The following STK10 variants were observed in gnomAD, a reference collection of about 807,000 sequenced individuals.
The protein encoded by STK10 is serine/threonine kinase 10.
A neutral mutation model predicts 113.8 loss-of-function variants in STK10; 78 were observed. That is an observed-to-expected ratio of 0.69 (90% confidence interval 0.57 to 0.83). STK10 has a LOEUF of 0.83. Among genes scored for constraint, STK10 ranks in the 40% least tolerant of loss-of-function variants. STK10 has a pLI of 0.00. For missense variants in STK10, 1,109 were observed against 1,280.1 expected, an observed-to-expected ratio of 0.87 and a Z score of 2.04; for synonymous variants, 465 against 494.7, an observed-to-expected ratio of 0.94 and a Z score of 0.80.
chr5:172,084,348 C>A (rs182708058), intron 10 of STK10, among the ~76,000 whole-genome samples: 2 of 151,718 alleles, frequency 1.3e-5, no homozygotes, highest in Non-Finnish European at 2.9e-5. Flanking sequence ...TGCAGTGAGC[C>A]GAGATAGCGC....
chr5:172,078,619 T>TAAAAAAAAAAAA (rs58823824), intron 12 of STK10, among the ~76,000 whole-genome samples: 2 of 72,876 alleles, frequency 2.7e-5, no homozygotes, highest in African/African-American at 7.3e-5. Flanking sequence ...GCCTCATCAT[T>TAAAAAAAAAAAA]AAAAAAAAAA....
chr5:172,152,101 G>A (rs979644301), intron 2 of STK10, among the ~76,000 whole-genome samples: 2 of 152,216 alleles, frequency 1.3e-5, no homozygotes, highest in East Asian at 3.9e-4. Context: ...AATGCCTACT[G>A]CATTTCCCCA....
chr5:172,168,816 G>C (rs1267308405), intron 1 of STK10, among the ~76,000 whole-genome samples: 1 of 152,068 alleles, frequency 6.6e-6, no homozygotes, highest in African/African-American at 2.4e-5. Context: ...TGTCATGCCA[G>C]GGGTCTCCCG....
At chr5:172,147,582 T>G (rs145155766) in intron 2 of STK10, among the ~76,000 whole-genome samples, 1 of 152,126 alleles carries the variant, frequency 6.6e-6, no homozygotes, top group Non-Finnish European at 1.5e-5. Context: ...TCAGTAGAGA[T>G]GGGGTTTCAC....
chr5:172,081,629 T>A (rs971982065), intron 12 of STK10, among the ~76,000 whole-genome samples: 2 of 152,062 alleles, frequency 1.3e-5, no homozygotes, highest in Non-Finnish European at 2.9e-5. Context: ...TGCCCCCGAA[T>A]GTCATGCCCA....
At chr5:172,180,397 G>A (rs1331335235) in intron 1 of STK10, among the ~76,000 whole-genome samples, 4 of 151,860 alleles carry the variant, frequency 2.6e-5, no homozygotes, top group Non-Finnish European at 4.4e-5. Flanking sequence ...CCTGGGAGGC[G>A]GAGGTTGCAG....
chr5:172,154,541 C>T (rs1174991238), intron 2 of STK10, among the ~76,000 whole-genome samples: 2 of 152,116 alleles, frequency 1.3e-5, no homozygotes, highest in Non-Finnish European at 2.9e-5. Context: ...AAAGGCAAAT[C>T]GGAGGAGCTG....
chr5:172,082,424 G>C lies in STK10; in HGVS notation c.1891C>G (p.His631Asp), dbSNP rs756086230. 2.5e-6 allele frequency: 4 copies of C among 1,611,992 alleles called. No individual in the cohort carries two copies. The highest frequency in any genetic ancestry group is 3.4e-6 in the Non-Finnish European group (4 of 1,179,064). Reference protein sequence around the residue: ...KQQVEKMEQDHAVRRREEARR... With the variant: ...KQQVEKMEQDDAVRRREEARR... ...GCCTCCTCCCGGCGGCGCACGGCATGGTCTTGCTCCATCTTCTCCACTTGC... is the reference window on the plus strand; with the variant it reads ...GCCTCCTCCCGGCGGCGCACGGCATCGTCTTGCTCCATCTTCTCCACTTGC... Residue 631 changes from histidine to aspartate, a missense_variant, in exon 12 of 19, where the codon CAT becomes GAT. His to Asp is a moderately conservative substitution (Grantham distance 81). Transcript: ENST00000176763. This position sits in a 1 kb window ranked among gnomAD's most constrained non-coding sequence, Gnocchi z 4.3.
At position 172,083,034 on chromosome 5, in the gene STK10, T is replaced by G; in HGVS notation, c.1736A>C (p.Asn579Thr). The G allele has an allele frequency of 6.2e-7, 1 of 1,614,184 alleles. No individual in the cohort carries two copies. The highest frequency in any genetic ancestry group is 8.5e-7 in the Non-Finnish European group (1 of 1,180,034). ...ATGCTTGTTACTCAGCTGGGTCTGG[T>G]TCCGATGCTCTTCTTTCTGGAGCAG... ...LRLLQKEEHR[N>T]QTQLSNKHEL... Residue 579 changes from asparagine to threonine, a missense_variant, in exon 11 of 19, where the codon AAC becomes ACC. This residue lies in a region of STK10 where 885 missense variants were observed against 991.1 expected (regional missense o/e 0.89). Coordinates refer to ENST00000176763, the MANE Select transcript of STK10 (RefSeq NM_005990.4).
At chr5:172,103,001 T>C (rs985527561) in intron 7 of STK10, among the ~76,000 whole-genome samples, 44 of 152,260 alleles carry the variant, frequency 2.9e-4, no homozygotes, top group Admixed American at 5.2e-4. Context: ...CCAAAGAATG[T>C]CTGCAGGAGT....
intron 5 of STK10, 36 bp from the exon 6 acceptor site, chr5:172,106,850 C>G (rs1243462289): frequency 5.1e-6 from 8 of 1,580,882 alleles, no homozygotes; most frequent in Non-Finnish European, 6.9e-6. Context: ...GGCTAAGAAT[C>G]TGGCCTTTAC....
chr5:172,061,162 A>G lies in STK10; in HGVS notation c.2189T>C (p.Met730Thr). The G allele has an allele frequency of 6.2e-7, 1 of 1,612,362 alleles. No homozygotes were observed. The highest frequency in any genetic ancestry group is 8.5e-7 in the Non-Finnish European group (1 of 1,179,686). Residue 730 changes from methionine to threonine, a missense_variant, in exon 14 of 19, where the codon ATG becomes ACG. Physicochemically the swap from Met to Thr is moderately conservative, Grantham distance 81 (BLOSUM62 -1). Coordinates refer to ENST00000176763, the MANE Select transcript of STK10 (RefSeq NM_005990.4). ...ACCTCGAAGGAGCTCCTGCTTCTTC[A>G]TGAGGCACTCGCGCTCCTTGTCACA... ...EICDKERECL[M>T]KKQELLRDRE...
In STK10 at chr5:172,044,558, G is replaced by A. The variant is rs552519523; in HGVS notation, c.*324C>T. On this transcript the variant is annotated 3_prime_UTR_variant, in exon 19 of 19. Transcript: ENST00000176763. The surrounding 1 kb of genome is among the most constrained non-coding windows in gnomAD (Gnocchi z 4.5). ...TATTTTCGCAAACAGGAGAGGACTC[G>A]AGGCCACAGAACACCCATTCCTCTT... is the stretch of plus-strand genomic sequence containing the variant. The A allele has an allele frequency of 2.7e-5, 10 of 375,946 alleles. No individual in the cohort carries two copies. Among genetic ancestry groups the A allele is most frequent in the African/African-American group, 2.1e-4 (10 of 48,604 alleles). The allele number at this position is 375,946 out of a possible 1,614,324, so 23.3% of individuals were successfully genotyped here.
At chr5:172,071,626 C>T (rs1052723558) in intron 12 of STK10, among the ~76,000 whole-genome samples, 1 of 152,124 alleles carries the variant, frequency 6.6e-6, no homozygotes, top group Non-Finnish European at 1.5e-5. Context: ...GCTACTACAG[C>T]TGTGCACCCA....
intron 13 of STK10, chr5:172,063,442 G>A (rs902934288): frequency 6.6e-6 from 1 of 152,098 alleles, no homozygotes; most frequent in African/African-American, 2.4e-5. Flanking sequence ...TTCATATTCT[G>A]GTAGCTAAGT....
Position 172,082,566 on chromosome 5 carries a change from G to A in STK10, c.1810-61C>T, listed in dbSNP as rs778984679. 8.6e-6 allele frequency: 13 copies of A among 1,512,256 alleles called. No homozygotes were observed. Among genetic ancestry groups the A allele is most frequent in the Non-Finnish European group, 1.2e-5 (13 of 1,129,236 alleles). 93.7% of individuals were successfully genotyped at this position (1,512,256 alleles called of 1,614,324 possible). A position where few individuals can be genotyped will look rare whatever the true frequency, so the allele number is the denominator to read the frequency against. ...GTCACTTTATACCTGGGAGGGACATGGGAAGTGGAATGGGGAGAACTCAGA... is the reference window on the plus strand; with the variant it reads ...GTCACTTTATACCTGGGAGGGACATAGGAAGTGGAATGGGGAGAACTCAGA... On this transcript the variant is annotated intron_variant, in intron 11 of 18. Transcript: ENST00000176763. The surrounding 1 kb of genome is among the most constrained non-coding windows in gnomAD (Gnocchi z 4.3).
rs958279943 is a variant in STK10 at position 172,064,500 on chromosome 5, A to T, written c.2082+220T>A. ...GGTGGTCAATGTAAAGTGTTGGGGT[A>T]TCCAGAGATGGAAGAGCTTACTTCC... On this transcript the variant is annotated intron_variant, in intron 13 of 18. Coordinates refer to ENST00000176763, the MANE Select transcript of STK10 (RefSeq NM_005990.4). The T allele has an allele frequency of 1.3e-5, 8 of 597,136 alleles. No individual in the cohort carries two copies. In the African/African-American group the frequency reaches 1.5e-4, roughly 11 times the overall value. The allele number at this position is 597,136 out of a possible 1,614,324, so 37.0% of individuals were successfully genotyped here.
At chr5:172,085,958 CAAG>C (rs375659659) in intron 10 of STK10, among the ~76,000 whole-genome samples, 273 of 152,204 alleles carry the variant, frequency 1.8e-3, no homozygotes, top group African/African-American at 6.4e-3. Context: ...AAGAGCAGCA[CAAG>C]GAGGGGTTGG....
chr5:172,063,318 T>C (rs1400864603), intron 13 of STK10: 1 of 152,166 alleles, frequency 6.6e-6, no homozygotes, highest in South Asian at 2.1e-4. Flanking sequence ...AAATAAATAA[T>C]GTGATCTTCT....
Sources: gnomAD v4.1 joint callset for allele counts (sites outside exome capture counted in the v4.1 genomes callset) on GRCh38, gnomAD v4.1.1 for gene constraint, gnomAD v4.1.1 regional missense constraint, Gnocchi (gnomAD v3.1) non-coding constraint, MANE v1.5 for transcripts, NCBI Gene and HGNC (gene_info 2026-07-23, HGNC 2026-07-21) for gene names.